FNBP4: variants seen among roughly 807,000 people sequenced by gnomAD.
FNBP4 encodes formin binding protein 4.
Under a neutral mutation model 119.3 loss-of-function variants are expected in FNBP4, and 34 were observed. The ratio of observed to expected loss-of-function variants is 0.28; its 90% confidence interval spans 0.22 to 0.38. The LOEUF is 0.38. Ranked by LOEUF, FNBP4 falls within the 10% of genes least tolerant of loss-of-function variation. The probability of loss-of-function intolerance (pLI) is 1.00; values close to 1 mark genes in which losing one functional copy is unlikely to be tolerated. For synonymous variants in FNBP4, 462 were observed against 430.6 expected, an observed-to-expected ratio of 1.07 and a Z score of -0.90; for missense variants, 1,112 against 1,228.9, an observed-to-expected ratio of 0.90 and a Z score of 1.42.
rs2097568355 is a variant in FNBP4 at position 47,732,317 on chromosome 11, T to C, written c.1820+220A>G. 1 of 1,414,818 alleles carries C rather than the reference T, an allele frequency of 7.1e-7. No individual in the cohort carries two copies. Among genetic ancestry groups the C allele is most frequent in the Admixed American group, 2.9e-5 (1 of 34,274 alleles). 87.6% of individuals were successfully genotyped at this position (1,414,818 alleles called of 1,614,324 possible). On this transcript the variant is annotated intron_variant, in intron 11 of 16. Coordinates refer to ENST00000263773, the MANE Select transcript of FNBP4 (RefSeq NM_015308.5). This position sits in a 1 kb window ranked among gnomAD's most constrained non-coding sequence, Gnocchi z 4.2. ...GTAAAAACCAGCTTTGTCCATATCT[T>C]GGGAAAAAATCCGTTACATGGAACA...
chr11:47,742,113 ACACT>A (rs2097582895), intron 8 of FNBP4, among the ~76,000 whole-genome samples: 1 of 152,140 alleles, frequency 6.6e-6, no homozygotes, highest in South Asian at 2.1e-4. Context: ...ACACATAAAC[ACACT>A]CATACATACC....
At chr11:47,749,876 A>T (rs1442039089) in intron 6 of FNBP4, among the ~76,000 whole-genome samples, 1 of 152,206 alleles carries the variant, frequency 6.6e-6, no homozygotes. Flanking sequence ...AATCTAAATT[A>T]TCTCCGATCC....
intron 14 of FNBP4, 64 bp downstream of exon 14, chr11:47,723,964 C>A: frequency 6.9e-7 from 1 of 1,442,456 alleles, no homozygotes; most frequent in Admixed American, 2.1e-5. Context: ...GTTTTTATGG[C>A]ATCTAATGCT....
chr11:47,743,968 C>G lies in FNBP4; in HGVS notation c.1441G>C (p.Glu481Gln). The change falls in exon 8 of 17, where the codon GAA (glutamate) becomes CAA (glutamine). Residue 481 changes from glutamate (E) to glutamine (Q), a missense_variant. Physicochemically the swap from Glu to Gln is conservative, Grantham distance 29. Coordinates refer to ENST00000263773, the MANE Select transcript of FNBP4 (RefSeq NM_015308.5). ...SSSKTGRDTP[E>Q]NGETAIGAEN... The stretch of plus-strand genomic sequence containing the variant: ...CACAAATTACCAGTTTCTCCATTTT[C>G]TGGAGTATCTCGTCCAGTTTTACTA... 6.2e-7 allele frequency: 1 copy of G among 1,614,098 alleles called. No individual in the cohort carries two copies. The highest frequency in any genetic ancestry group is 8.5e-7 in the Non-Finnish European group (1 of 1,179,944).
rs1477963556 is a variant in FNBP4 at position 47,717,332 on chromosome 11, T to A, written c.*90A>T. The A allele has an allele frequency of 1.2e-6, 1 of 829,422 alleles. No homozygotes were observed. Among genetic ancestry groups the A allele is most frequent in the Non-Finnish European group, 1.9e-6 (1 of 520,246 alleles). The allele number at this position is 829,422 out of a possible 1,614,324, so 51.4% of individuals were successfully genotyped here. On this transcript the variant is annotated 3_prime_UTR_variant, in exon 17 of 17. Coordinates refer to ENST00000263773, the MANE Select transcript of FNBP4 (RefSeq NM_015308.5). ...AATTTATAAGATCTCCCCCATAACATTTATAGTTTATTTGACAATAAAACT... is the reference window on the plus strand; with the variant it reads ...AATTTATAAGATCTCCCCCATAACAATTATAGTTTATTTGACAATAAAACT...
At chr11:47,747,712 G>A (rs978216155) in intron 6 of FNBP4, among the ~76,000 whole-genome samples, 3 of 152,146 alleles carry the variant, frequency 2.0e-5, no homozygotes, top group Non-Finnish European at 4.4e-5. Flanking sequence ...CACTTTGGGA[G>A]GCCAAGGCAG....
intron 12 of FNBP4, chr11:47,729,986 A>C (rs2097565571): frequency 9.1e-6 from 9 of 985,458 alleles, no homozygotes; most frequent in Non-Finnish European, 1.1e-5. Context: ...GGAATGGCTC[A>C]AGAGCCTCCT....
At chr11:47,755,787 C>T (rs992307144) in intron 2 of FNBP4, among the ~76,000 whole-genome samples, 19 of 150,618 alleles carry the variant, frequency 1.3e-4, no homozygotes, top group African/African-American at 4.6e-4. Context: ...TGAGACTGAC[C>T]ATGTCTCCAA....
rs2097589656 is a variant in FNBP4, at chr11:47,746,098, T to C, written c.1203A>G (p.Glu401=). Residue 401 remains glutamate, a synonymous_variant, in exon 7 of 17, where the codon GAA becomes GAG. Transcript: ENST00000263773. ...VQSGESEEEE[E]QDTLELELVL... is the part of the protein sequence containing the mutation. ...CTAGCTCCAGTTCAAGGGTATCTTGTTCCTCTTCCTCCTCACTTTCTCCAG... is the reference window on the plus strand; with the variant it reads ...CTAGCTCCAGTTCAAGGGTATCTTGCTCCTCTTCCTCCTCACTTTCTCCAG... 3.1e-6 allele frequency: 5 copies of C among 1,609,314 alleles called. No homozygotes were observed. Among genetic ancestry groups the C allele is most frequent in the African/African-American group, 1.3e-5 (1 of 74,692 alleles).
chr11:47,742,185 G>C (rs1163248552), intron 8 of FNBP4, among the ~76,000 whole-genome samples: 3 of 152,040 alleles, frequency 2.0e-5, no homozygotes, highest in Non-Finnish European at 4.4e-5. Flanking sequence ...ATAAAGGACA[G>C]AGAAAATAGC....
At chr11:47,737,352 A>G (rs2135142195) in intron 8 of FNBP4, among the ~76,000 whole-genome samples, 1 of 152,290 alleles carries the variant, frequency 6.6e-6, no homozygotes, top group Middle Eastern at 3.4e-3. Context: ...CACTGCTTCA[A>G]TTACTTATAA....
intron 8 of FNBP4, among the ~76,000 whole-genome samples, chr11:47,737,147 C>T (rs997671721): frequency 1.3e-5 from 2 of 151,820 alleles, no homozygotes; most frequent in Admixed American, 6.6e-5. Context: ...GCCGAGATTG[C>T]GCCACTGTAC....
chr11:47,748,337 T>G (rs1327295665), intron 6 of FNBP4, among the ~76,000 whole-genome samples: 1 of 151,900 alleles, frequency 6.6e-6, no homozygotes, highest in African/African-American at 2.4e-5. Context: ...AGTATCTGCT[T>G]CTCCCATTGG....
rs759860770 is a variant in FNBP4, at chr11:47,767,292, G to T, written c.-4C>A. ...CCGCCCGGGACTTCTTCCCCATCGC[G>T]AGCCCAAGCGCGAGCAGAGAGCGTC... On this transcript the variant is annotated 5_prime_UTR_variant, in exon 1 of 17. Transcript: ENST00000263773. 25 of 1,503,860 alleles carry T rather than the reference G, an allele frequency of 1.7e-5. No homozygotes were observed. Among genetic ancestry groups the T allele is most frequent in the Non-Finnish European group, 2.0e-5 (23 of 1,132,624 alleles). The allele number at this position is 1,503,860 out of a possible 1,614,324, so 93.2% of individuals were successfully genotyped here.
chr11:47,751,040 A>G lies in FNBP4; in HGVS notation c.786-4T>C. 3 of 1,613,244 alleles carry G rather than the reference A, an allele frequency of 1.9e-6. No homozygotes were observed. The highest frequency in any genetic ancestry group is 2.5e-6 in the Non-Finnish European group (3 of 1,179,800). Reference sequence around the variant, plus strand: ...AGTTTCAGCACCTGGCACAGAACTAAAAAAATATATACTTAGCAAGAGAAA... The same window carrying G: ...AGTTTCAGCACCTGGCACAGAACTAGAAAAATATATACTTAGCAAGAGAAA... On this transcript the variant is annotated splice_region_variant and splice_polypyrimidine_tract_variant and intron_variant, in intron 5 of 16. Coordinates refer to ENST00000263773, the MANE Select transcript of FNBP4 (RefSeq NM_015308.5).
At chr11:47,721,429 T>C (rs903348486) in intron 15 of FNBP4, among the ~76,000 whole-genome samples, 2 of 151,676 alleles carry the variant, frequency 1.3e-5, no homozygotes, top group African/African-American at 4.8e-5. Context: ...CCACCTCTAC[T>C]AAAAATATAA....
Position 47,732,753 on chromosome 11 carries a change from C to T in FNBP4, c.1687-83G>A, listed in dbSNP as rs1014438431. ...CAAAGGGGATATAAACCTTCTGCTC[C>T]AAGACTATATCCCTGTGCTCTGGCA... On this transcript the variant is annotated intron_variant, in intron 10 of 16. Transcript: ENST00000263773. This position sits in a 1 kb window ranked among gnomAD's most constrained non-coding sequence, Gnocchi z 4.2. The T allele has an allele frequency of 1.0e-5, 13 of 1,287,408 alleles. No homozygotes were observed. The highest frequency in any genetic ancestry group is 1.2e-5 in the Non-Finnish European group (11 of 892,722). The allele number at this position is 1,287,408 out of a possible 1,614,324, so 79.7% of individuals were successfully genotyped here. A position where few individuals can be genotyped will look rare whatever the true frequency, so the allele number is the denominator to read the frequency against.
chr11:47,724,616 G>C lies in FNBP4; in HGVS notation c.2171C>G (p.Pro724Arg). The C allele has an allele frequency of 6.2e-7, 1 of 1,613,926 alleles. No homozygotes were observed. The highest frequency in any genetic ancestry group is 2.2e-5 in the East Asian group (1 of 44,886). The change falls in exon 13 of 17, where the codon CCC (proline) becomes CGC (arginine). Residue 724 changes from proline (P) to arginine (R), a missense_variant. Around this residue, in one of 2 missense-constraint regions of FNBP4, gnomAD observed 826 missense variants for 988.8 expected, o/e 0.84. Coordinates refer to ENST00000263773, the MANE Select transcript of FNBP4 (RefSeq NM_015308.5). ...PPPPPPESPP[P>R]PPPPPPPAED... Reference sequence around the variant, plus strand: ...CGCAGGAGGAGGTGGTGGAGGAGGGGGTGGAGGTGATTCTGGAGGTGGAGG... The same window carrying C: ...CGCAGGAGGAGGTGGTGGAGGAGGGCGTGGAGGTGATTCTGGAGGTGGAGG...
chr11:47,717,353 A>G lies in FNBP4; in HGVS notation c.*69T>C. Reference sequence around the variant, plus strand: ...AACATTTATAGTTTATTTGACAATAAAACTGGTTAAGACTTTGAACTGAAC... The same window carrying G: ...AACATTTATAGTTTATTTGACAATAGAACTGGTTAAGACTTTGAACTGAAC... On this transcript the variant is annotated 3_prime_UTR_variant, in exon 17 of 17. Transcript: ENST00000263773. The G allele has an allele frequency of 9.3e-7, 1 of 1,070,870 alleles. No individual in the cohort carries two copies. Among genetic ancestry groups the G allele is most frequent in the Non-Finnish European group, 1.4e-6 (1 of 722,814 alleles). The allele number at this position is 1,070,870 out of a possible 1,614,324, so 66.3% of individuals were successfully genotyped here. A position where few individuals can be genotyped will look rare whatever the true frequency, so the allele number is the denominator to read the frequency against.
Sources: gnomAD v4.1 joint callset for allele counts (sites outside exome capture counted in the v4.1 genomes callset) on GRCh38, gnomAD v4.1.1 for gene constraint, gnomAD v4.1.1 regional missense constraint, Gnocchi (gnomAD v3.1) non-coding constraint, MANE v1.5 for transcripts, NCBI Gene and HGNC (gene_info 2026-07-23, HGNC 2026-07-21) for gene names.